Variants in KCNQ1 observed in about 807,000 individuals in gnomAD.
KCNQ1 encodes potassium voltage-gated channel subfamily KQT member 1.
A neutral mutation model predicts 72.4 loss-of-function variants in KCNQ1; 49 were observed. The observed-to-expected ratio is 0.68, with a 90% CI of 0.54 to 0.86. The LOEUF (loss-of-function observed/expected upper bound fraction) is 0.86. Among genes scored for constraint, KCNQ1 ranks in the 40% least tolerant of loss-of-function variants. The pLI, the probability that KCNQ1 is intolerant of heterozygous loss-of-function variation, is 0.00. For missense variants in KCNQ1, 790 were observed against 945.1 expected, an observed-to-expected ratio of 0.84 and a Z score of 2.15; for synonymous variants, 450 against 412.6, an observed-to-expected ratio of 1.09 and a Z score of -1.10.
chr11:2,778,061 GT>G (rs1306073449), intron 15 of KCNQ1, 24 bp downstream of exon 15: 1 of 1,612,004 alleles, frequency 6.2e-7, no homozygotes, highest in East Asian at 2.2e-5. Context: ...CCGGCCTGCG[GT>G]GGTTCTGGTT....
intron 1 of KCNQ1, among the ~76,000 whole-genome samples, chr11:2,523,157 T>C (rs1030710999): frequency 6.6e-6 from 1 of 152,190 alleles, no homozygotes; most frequent in Non-Finnish European, 1.5e-5. Context: ...CACATGGTGC[T>C]AACCAGCATC....
In KCNQ1 at chr11:2,495,700, G is replaced by A. The variant is rs140933569; in HGVS notation, c.387-32228G>A. On this transcript the variant is annotated intron_variant, in intron 1 of 15. Coordinates refer to ENST00000155840, the MANE Select transcript of KCNQ1 (RefSeq NM_000218.3). The surrounding 1 kb of genome is among the most constrained non-coding windows in gnomAD (Gnocchi z 4.6). ...AATTTGATCGTACTGTGTTCTGAGA[G>A]ACTGTTTGTTATGATTTCCATTCTT... Among the ~76,000 whole-genome samples the A allele has an allele frequency of 6.2e-3, 951 of 152,210 alleles. 33 individuals are homozygous for A. The highest frequency in any genetic ancestry group is 0.052 in the Admixed American group (798 of 15,296).
rs567644074 is a variant in KCNQ1, at chr11:2,602,098, G to A, written c.1393+13244G>A. Among the ~76,000 whole-genome samples, 32 of 152,234 alleles carry A rather than the reference G, an allele frequency of 2.1e-4. No individual in the cohort carries two copies. Among genetic ancestry groups the A allele is most frequent in the Admixed American group, 1.6e-3 (24 of 15,280 alleles). ...AGGGTTACGTGGCCACGGAAGCAGGGGCAGGAAATGGCAATGTGATTTGAG... is the reference window on the plus strand; with the variant it reads ...AGGGTTACGTGGCCACGGAAGCAGGAGCAGGAAATGGCAATGTGATTTGAG... On this transcript the variant is annotated intron_variant, in intron 10 of 15. Coordinates refer to ENST00000155840, the MANE Select transcript of KCNQ1 (RefSeq NM_000218.3). This position sits in a 1 kb window ranked among gnomAD's most constrained non-coding sequence, Gnocchi z 4.8.
In KCNQ1 at chr11:2,724,719, G is replaced by A. The variant is rs1845727214; in HGVS notation, c.1515-44125G>A. ...CTCACAGAGGAGGACGTGGGGACCT[G>A]CCCAAGGAGACACAGGCAACAGAAC... On this transcript the variant is annotated intron_variant, in intron 11 of 15. Coordinates refer to ENST00000155840, the MANE Select transcript of KCNQ1 (RefSeq NM_000218.3). This position sits in a 1 kb window ranked among gnomAD's most constrained non-coding sequence, Gnocchi z 6.8. Among the ~76,000 whole-genome samples, 1 of 152,192 alleles carries A rather than the reference G, an allele frequency of 6.6e-6. No homozygotes were observed. The highest frequency in any genetic ancestry group is 1.5e-5 in the Non-Finnish European group (1 of 68,026).
At position 2,538,820 on chromosome 11, in the gene KCNQ1, G is replaced by A. The variant is rs553491858; in HGVS notation, c.477+10802G>A. On this transcript the variant is annotated intron_variant, in intron 2 of 15. Transcript: ENST00000155840. The surrounding 1 kb of genome is among the most constrained non-coding windows in gnomAD (Gnocchi z 6.7). ...TGTTCAGAACAAGATGGGGTGGGGTGGGGGGCAGTGAGGGGCCTGGGGCAG... is the reference window on the plus strand; with the variant it reads ...TGTTCAGAACAAGATGGGGTGGGGTAGGGGGCAGTGAGGGGCCTGGGGCAG... Among the ~76,000 whole-genome samples, 1 of 151,600 alleles carries A rather than the reference G, an allele frequency of 6.6e-6. No individual in the cohort carries two copies. Among genetic ancestry groups the A allele is most frequent in the Non-Finnish European group, 1.5e-5 (1 of 67,966 alleles).
chr11:2,671,188 A>T lies in KCNQ1; in HGVS notation c.1514+9107A>T, dbSNP rs945715668. 7.5e-6 allele frequency: 3 copies of T among 398,540 alleles called. No individual in the cohort carries two copies. The allele number at this position is 398,540 out of a possible 1,614,324, so 24.7% of individuals were successfully genotyped here. ...AATAGGGCCTTGTTAGGAGAAAAGG[A>T]AAGAAAAATAAAAGGTAGAGAGACA... On this transcript the variant is annotated intron_variant, in intron 11 of 15. Coordinates refer to ENST00000155840, the MANE Select transcript of KCNQ1 (RefSeq NM_000218.3). The surrounding 1 kb of genome is among the most constrained non-coding windows in gnomAD (Gnocchi z 4.7).
At chr11:2,751,632 G>A (rs1412086119) in intron 11 of KCNQ1, among the ~76,000 whole-genome samples, 1 of 152,258 alleles carries the variant, frequency 6.6e-6, no homozygotes, top group Non-Finnish European at 1.5e-5. Context: ...CGTCTGACAG[G>A]CGGCTGTTCT....
Position 2,612,506 on chromosome 11 carries a change from C to T in KCNQ1, c.1393+23652C>T, listed in dbSNP as rs1848997930. 1 of 398,464 alleles carries T rather than the reference C, an allele frequency of 2.5e-6. No homozygotes were observed. Among genetic ancestry groups the T allele is most frequent in the Non-Finnish European group, 4.4e-6 (1 of 226,070 alleles). 24.7% of individuals were successfully genotyped at this position (398,464 alleles called of 1,614,324 possible). A position where few individuals can be genotyped will look rare whatever the true frequency, so the allele number is the denominator to read the frequency against. On this transcript the variant is annotated intron_variant, in intron 10 of 15. Coordinates refer to ENST00000155840, the MANE Select transcript of KCNQ1 (RefSeq NM_000218.3). The surrounding 1 kb of genome is among the most constrained non-coding windows in gnomAD (Gnocchi z 5.5). ...CGTTGAAGTTCATTGATTCTTTCTT[C>T]TGCCAGGTCAAATTTGCTTAGCCGC...
At chr11:2,675,983 C>G in intron 11 of KCNQ1, 1 of 398,636 alleles carries the variant, frequency 2.5e-6, no homozygotes, top group Non-Finnish European at 4.4e-6. Context: ...ATAACACTCT[C>G]CCCACCCAAC....
intron 11 of KCNQ1, chr11:2,681,495 G>T: frequency 2.5e-6 from 1 of 398,508 alleles, no homozygotes; most frequent in Non-Finnish European, 4.4e-6. Flanking sequence ...ATGGGACTTA[G>T]TAAAGTCAAA....
At chr11:2,672,445 A>T in intron 11 of KCNQ1, 1 of 398,574 alleles carries the variant, frequency 2.5e-6, no homozygotes, top group East Asian at 3.6e-5. Flanking sequence ...GGCTCTGAAG[A>T]GCTTCAATTG....
intron 11 of KCNQ1, among the ~76,000 whole-genome samples, chr11:2,726,375 G>A (rs930788296): frequency 6.6e-6 from 1 of 152,224 alleles, no homozygotes; most frequent in Non-Finnish European, 1.5e-5. Context: ...ACGGTGTGTC[G>A]AGTGAGGGTG....
intron 2 of KCNQ1, among the ~76,000 whole-genome samples, chr11:2,561,208 A>G (rs372645013): frequency 3.0e-4 from 45 of 147,740 alleles, no homozygotes; most frequent in African/African-American, 1.1e-3. Context: ...CTCAAAAAAA[A>G]AAAAAAAGAA....
At position 2,806,910 on chromosome 11, in the gene KCNQ1, A is replaced by C. The variant is rs1020812813; in HGVS notation, c.1794+28873A>C. Among the ~76,000 whole-genome samples, 16 of 149,932 alleles carry C rather than the reference A, an allele frequency of 1.1e-4. No individual in the cohort carries two copies. The South Asian group carries it at 3.0e-3, about 28-fold the overall frequency. ...CCACTCTCAGGCCAGCCCGAGAGGG[A>C]CGGCACCACCGGGACAGCACCAGCG... is the stretch of plus-strand genomic sequence containing the variant. On this transcript the variant is annotated intron_variant, in intron 15 of 15. Transcript: ENST00000155840.
Position 2,762,012 on chromosome 11 carries a change from G to A in KCNQ1, c.1515-6832G>A, listed in dbSNP as rs1473216992. The stretch of plus-strand genomic sequence containing the variant: ...TGTGGGGCCGCATCCAGACCTTGGC[G>A]GTCATGGCCACAGGCTCCCAAGGCC... On this transcript the variant is annotated intron_variant, in intron 11 of 15. Coordinates refer to ENST00000155840, the MANE Select transcript of KCNQ1 (RefSeq NM_000218.3). The surrounding 1 kb of genome is among the most constrained non-coding windows in gnomAD (Gnocchi z 4.3). 5.3e-5 allele frequency among the ~76,000 whole-genome samples: 8 copies of A among 152,240 alleles called. No homozygotes were observed. The highest frequency in any genetic ancestry group is 7.3e-5 in the Non-Finnish European group (5 of 68,050).
chr11:2,719,179 G>T (rs1487485667), intron 11 of KCNQ1, among the ~76,000 whole-genome samples: 3 of 152,180 alleles, frequency 2.0e-5, no homozygotes, highest in African/African-American at 7.2e-5. Context: ...CTCATTGGGG[G>T]TAACAATGGC....
In KCNQ1 at chr11:2,481,178, C is replaced by T. The variant is rs373100167; in HGVS notation, c.386+35694C>T. 6.6e-6 allele frequency among the ~76,000 whole-genome samples: 1 copy of T among 152,182 alleles called. No individual in the cohort carries two copies. The highest frequency in any genetic ancestry group is 1.5e-5 in the Non-Finnish European group (1 of 68,022). ...CCAAAGCAGATGACAATTCCAGTTA[C>T]TCCTCACCAGACATAAGAAAATGCT... On this transcript the variant is annotated intron_variant, in intron 1 of 15. Coordinates refer to ENST00000155840, the MANE Select transcript of KCNQ1 (RefSeq NM_000218.3). The surrounding 1 kb of genome is among the most constrained non-coding windows in gnomAD (Gnocchi z 4.6).
rs117092059 is a variant in KCNQ1 at position 2,675,708 on chromosome 11, C to G, written c.1514+13627C>G. ...CTCTGCCTTTCCCTGTCAAAAACCT[C>G]TTTGTGCTGGAGCAGCCCCTGCTCC... On this transcript the variant is annotated intron_variant, in intron 11 of 15. Transcript: ENST00000155840. 1.1e-3 allele frequency: 458 copies of G among 398,716 alleles called. 4 individuals carry two copies. The East Asian group carries it at 0.016, about 14-fold the overall frequency. The allele number at this position is 398,716 out of a possible 1,614,324, so 24.7% of individuals were successfully genotyped here.
In KCNQ1 at chr11:2,720,884, C is replaced by G. The variant is rs905758525; in HGVS notation, c.1515-47960C>G. Among the ~76,000 whole-genome samples, 4 of 152,000 alleles carry G rather than the reference C, an allele frequency of 2.6e-5. No individual in the cohort carries two copies. The highest frequency in any genetic ancestry group is 9.7e-5 in the African/African-American group (4 of 41,370). ...GGGAGTTGGGGCCTGGCCTGGACCT[C>G]GAGGCCACTGGGGACTTGGCTACCT... On this transcript the variant is annotated intron_variant, in intron 11 of 15. Transcript: ENST00000155840. This position sits in a 1 kb window ranked among gnomAD's most constrained non-coding sequence, Gnocchi z 5.1.
Sources: allele counts gnomAD v4.1 joint callset (sites outside exome capture counted in the v4.1 genomes callset), GRCh38; gene constraint gnomAD v4.1.1; non-coding constraint Gnocchi (gnomAD v3.1); transcripts MANE v1.5; gene names NCBI Gene and HGNC (gene_info 2026-07-23, HGNC 2026-07-21).